DMD: variants seen among roughly 807,000 people sequenced by gnomAD.
DMD encodes mutant dystrophin.
DMD carries 63 observed loss-of-function variants against 330.1 expected under a neutral mutation model. That is an observed-to-expected ratio of 0.19 (90% CI 0.16 to 0.24). The LOEUF (loss-of-function observed/expected upper bound fraction) is 0.24. DMD is among the 10% of genes least tolerant of loss of function. DMD has a pLI of 1.00. For missense variants in DMD, 3,344 were observed against 2,684.1 expected (o/e 1.25, Z -5.43); for synonymous variants, 1,223 against 959.8 (o/e 1.27, Z -5.07).
intron 55 of DMD, among the ~76,000 whole-genome samples, chrX:31,626,129 C>A (rs769071135): frequency 1.5e-3 from 163 of 110,259 alleles, no homozygotes; most frequent in Non-Finnish European, 2.7e-3. Context: ...GGATTACAGG[C>A]GCAGGTCACC....
intron 53 of DMD, among the ~76,000 whole-genome samples, chrX:31,673,301 T>A (rs2148701003): frequency 8.9e-6 from 1 of 112,263 alleles, no homozygotes. Flanking sequence ...AGCCTTTGGT[T>A]AATTCCCAGG....
At chrX:32,218,682 A>G (rs1354005657) in intron 43 of DMD, among the ~76,000 whole-genome samples, 2 of 111,989 alleles carry the variant, frequency 1.8e-5, no homozygotes, top group African/African-American at 6.5e-5. Flanking sequence ...AGTGCCAGAC[A>G]CATCATTTCA....
intron 43 of DMD, among the ~76,000 whole-genome samples, chrX:32,218,707 A>G (rs1032418334): frequency 2.7e-5 from 3 of 111,811 alleles, no homozygotes; most frequent in Non-Finnish European, 5.6e-5. Flanking sequence ...CACCTACAAT[A>G]ACCCTGCAGC....
At chrX:31,415,418 T>C (rs976184941) in intron 60 of DMD, among the ~76,000 whole-genome samples, 3 of 112,180 alleles carry the variant, frequency 2.7e-5, no homozygotes, top group Non-Finnish European at 5.6e-5. Flanking sequence ...TATGCAAATG[T>C]TCCTTTAAGA....
At chrX:31,149,820 TTTAAC>T (rs2037177100) in intron 74 of DMD, among the ~76,000 whole-genome samples, 1 of 112,152 alleles carries the variant, frequency 8.9e-6, no homozygotes, top group African/African-American at 3.2e-5. Context: ...TGTGATTTCT[TTTAAC>T]TTAACCCATA....
chrX:32,967,658 G>A (rs1465246784), intron 2 of DMD, among the ~76,000 whole-genome samples: 2 of 111,266 alleles, frequency 1.8e-5, no homozygotes, highest in Non-Finnish European at 3.8e-5. Context: ...GAAAGGGTAC[G>A]GACAGCGTCC....
intron 4 of DMD, among the ~76,000 whole-genome samples, chrX:32,827,060 C>CG (rs2078761366): frequency 1.6e-5 from 1 of 61,361 alleles, no homozygotes; most frequent in African/African-American, 6.9e-5. Context: ...CATCGCACCC[C>CG]CCCCCCACAC....
In DMD at chrX:32,807,517, C is replaced by T. The variant is rs147457401; in HGVS notation, c.649+1976G>A. 7.3e-3 allele frequency among the ~76,000 whole-genome samples: 816 copies of T among 111,147 alleles called. 3 individuals are homozygous for T. Among genetic ancestry groups the T allele is most frequent in the Non-Finnish European group, 0.012 (629 of 52,872 alleles). On this transcript the variant is annotated intron_variant, in intron 7 of 78. Coordinates refer to ENST00000357033, the MANE Select transcript of DMD (RefSeq NM_004006.3). ...GATTTTAAATTGTTGAAGTTTGAGA[C>T]AGTAAAATGGTGATCTTATAGGATA...
chrX:32,014,545 G>C (rs936996388), intron 44 of DMD, among the ~76,000 whole-genome samples: 4 of 111,215 alleles, frequency 3.6e-5, no homozygotes, highest in African/African-American at 1.3e-4. Context: ...TTATGACCTG[G>C]GAAAAGTTGC....
At chrX:31,413,861 A>C (rs1569539693) in intron 60 of DMD, among the ~76,000 whole-genome samples, 1 of 108,986 alleles carries the variant, frequency 9.2e-6, no homozygotes, top group Non-Finnish European at 1.9e-5. Flanking sequence ...TAAGTTGGCA[A>C]AGTAAAAAAA....
At chrX:32,438,156 C>T (rs2098268509) in intron 29 of DMD, 85 bp downstream of exon 29, 13 of 1,012,606 alleles carry the variant, frequency 1.3e-5, no homozygotes, top group Admixed American at 2.3e-5. Context: ...AATATTTAAA[C>T]TATTGCTCAT....
chrX:32,763,608 A>G (rs1359510708), intron 7 of DMD, among the ~76,000 whole-genome samples: 3 of 112,062 alleles, frequency 2.7e-5, no homozygotes, highest in South Asian at 7.4e-4. Context: ...AATAACATAC[A>G]AAGTAAAAAT....
intron 7 of DMD, among the ~76,000 whole-genome samples, chrX:32,728,203 T>A (rs1177185068): frequency 9.0e-6 from 1 of 111,348 alleles, no homozygotes; most frequent in Non-Finnish European, 1.9e-5. Flanking sequence ...AAAATGTGAT[T>A]TTCATGTAAA....
chrX:32,827,987 G>A (rs1280224668), intron 4 of DMD, among the ~76,000 whole-genome samples: 1 of 111,369 alleles, frequency 9.0e-6, no homozygotes, highest in African/African-American at 3.3e-5. Flanking sequence ...GTGAGAACAT[G>A]TGATATTTGG....
intron 59 of DMD, among the ~76,000 whole-genome samples, chrX:31,453,761 C>T (rs370188548): frequency 9.6e-4 from 1 of 1,044 alleles, no homozygotes; most frequent in Admixed American, 0.012. Flanking sequence ...AGACAAAAAA[C>T]AAGCAAAAAA....
At chrX:32,214,268 G>A (rs1490881350) in intron 44 of DMD, among the ~76,000 whole-genome samples, 13 of 106,497 alleles carry the variant, frequency 1.2e-4, no homozygotes, top group Admixed American at 1.1e-3. Flanking sequence ...ATGCTACAAC[G>A]GTTTTCAACA....
At chrX:32,141,363 G>A (rs1350619244) in intron 44 of DMD, among the ~76,000 whole-genome samples, 1 of 110,646 alleles carries the variant, frequency 9.0e-6, no homozygotes, top group Non-Finnish European at 1.9e-5. Flanking sequence ...TTGAACCCGG[G>A]AGGTGGAGGT....
At position 32,715,469 on chromosome X, in the gene DMD, CAAAA is replaced by C. The variant is rs61325834; in HGVS notation, c.650-16180_650-16177del. Among the ~76,000 whole-genome samples, 129 of 17,208 alleles carry C rather than the reference CAAAA, an allele frequency of 7.5e-3. 3 individuals are homozygous for C. The highest frequency in any genetic ancestry group is 0.02 in the African/African-American group (118 of 6,043). 14.9% of individuals were successfully genotyped at this position (17,208 alleles called of 115,157 possible). On this transcript the variant is annotated intron_variant, in intron 7 of 78. Transcript: ENST00000357033. ...ATCAGCCTGGTGACAGAGATTCCATCAAAAAAAAAAAAAAAAAAAAAAAAAAGGA... is the reference window on the plus strand; with the variant it reads ...ATCAGCCTGGTGACAGAGATTCCATCAAAAAAAAAAAAAAAAAAAAAAGGA...
chrX:31,455,304 C>A (rs2149133512), intron 59 of DMD, among the ~76,000 whole-genome samples: 1 of 111,090 alleles, frequency 9.0e-6, no homozygotes, highest in East Asian at 2.8e-4. Context: ...ACCCTGATCA[C>A]AATTTGCAAG....
Sources: gnomAD v4.1 joint callset for allele counts (sites outside exome capture counted in the v4.1 genomes callset) on GRCh38, gnomAD v4.1.1 for gene constraint, MANE v1.5 for transcripts, NCBI Gene and HGNC (gene_info 2026-07-23, HGNC 2026-07-21) for gene names.